The following ARHGAP29 variants were observed in gnomAD, a reference collection of about 807,000 sequenced individuals.
ARHGAP29 encodes the protein rho GTPase-activating protein 29.
ARHGAP29 carries 43 observed loss-of-function variants against 122.6 expected under a neutral mutation model. The ratio of observed to expected loss-of-function variants is 0.35; its 90% CI spans 0.27 to 0.45. The LOEUF (loss-of-function observed/expected upper bound fraction) is 0.45, where lower values mean the gene tolerates loss of function less well. ARHGAP29 is among the 20% of genes least tolerant of loss of function. The pLI, the probability that ARHGAP29 is intolerant of heterozygous loss-of-function variation, is 1.00. For synonymous variants in ARHGAP29, 506 were observed against 497.1 expected (o/e 1.02, Z -0.24); for missense variants, 1,303 against 1,477.2 (o/e 0.88, Z 1.93).
intron 1 of ARHGAP29, among the ~76,000 whole-genome samples, chr1:94,233,123 A>AT (rs549501067): frequency 2.3e-4 from 35 of 149,098 alleles, no homozygotes; most frequent in South Asian, 6.4e-4. Context: ...TAAAAAAAAA[A>AT]TTTTTTTTTT....
At chr1:94,257,820 T>C (rs564472816) in intron 1 of ARHGAP29, among the ~76,000 whole-genome samples, 9 of 152,322 alleles carry the variant, frequency 5.9e-5, no homozygotes, top group African/African-American at 1.9e-4. Flanking sequence ...TAATAGGCAC[T>C]GGATGATGAC....
the ARHGAP29 span, among the ~76,000 whole-genome samples, chr1:94,293,120 T>G: frequency 6.6e-6 from 1 of 152,216 alleles, no homozygotes; most frequent in Non-Finnish European, 1.5e-5. Context: ...CTCCGCCCAG[T>G]TTGAGCTTCC....
At chr1:94,256,049 T>C (rs1654332808) in intron 1 of ARHGAP29, among the ~76,000 whole-genome samples, 1 of 152,192 alleles carries the variant, frequency 6.6e-6, no homozygotes, top group African/African-American at 2.4e-5. Context: ...TGAATTATTG[T>C]TATCATCCTT....
intron 6 of ARHGAP29, 134 bp from the exon 7 acceptor site, chr1:94,205,332 C>A: frequency 2.8e-6 from 2 of 705,352 alleles, no homozygotes; most frequent in Admixed American, 3.8e-5. Flanking sequence ...GACAAATTTA[C>A]AATTAAAAGG....
chr1:94,309,968 GAATA>G, the ARHGAP29 span, among the ~76,000 whole-genome samples: 1 of 152,068 alleles, frequency 6.6e-6, no homozygotes, highest in Admixed American at 6.6e-5. Context: ...TGTGGTTGCT[GAATA>G]AATAAATATG....
chr1:94,182,879 TAA>T (rs1649567195), intron 19 of ARHGAP29, among the ~76,000 whole-genome samples: 1 of 151,924 alleles, frequency 6.6e-6, no homozygotes, highest in Non-Finnish European at 1.5e-5. Context: ...CATTTCCTCA[TAA>T]AAGAGGAGAA....
the ARHGAP29 span, among the ~76,000 whole-genome samples, chr1:94,312,597 A>G: frequency 6.6e-6 from 1 of 151,410 alleles, no homozygotes; most frequent in Non-Finnish European, 1.5e-5. Context: ...ACACCCAGCT[A>G]ATGTTTGTAT....
chr1:94,273,145 C>A (rs913292402), intron 1 of ARHGAP29, among the ~76,000 whole-genome samples: 1 of 152,124 alleles, frequency 6.6e-6, no homozygotes, highest in Non-Finnish European at 1.5e-5. Flanking sequence ...TTGCCTACTG[C>A]GTCAATTCCT....
chr1:94,303,784 C>T, the ARHGAP29 span, among the ~76,000 whole-genome samples: 9 of 152,148 alleles, frequency 5.9e-5, no homozygotes, highest in African/African-American at 1.7e-4. Flanking sequence ...TCCAAGCCCA[C>T]CCAGCTAGAA....
the ARHGAP29 span, among the ~76,000 whole-genome samples, chr1:94,309,732 G>T: frequency 1.3e-5 from 2 of 152,204 alleles, no homozygotes; most frequent in Admixed American, 6.5e-5. Context: ...TAGAAATAAA[G>T]AGCCTGTCTT....
chr1:94,262,108 A>G lies in ARHGAP29; in HGVS notation c.-33+12904T>C, dbSNP rs189458192. On this transcript the variant is annotated intron_variant and NMD_transcript_variant, in intron 1 of 25. Coordinates refer to the ARHGAP29 transcript ENST00000552844. The stretch of plus-strand genomic sequence containing the variant: ...CTGAGAAAAAAGGCCACACACCTAC[A>G]ACCATCTGATCTTTGACAAAGCAAG... Among the ~76,000 whole-genome samples the G allele has an allele frequency of 3.0e-3, 464 of 152,286 alleles. 1 individual carries two copies. The highest frequency in any genetic ancestry group is 4.9e-3 in the Non-Finnish European group (333 of 68,028).
At position 94,171,447 on chromosome 1, in the gene ARHGAP29, G is replaced by A. The variant is rs1250727192; in HGVS notation, c.*2422C>T. Among the ~76,000 whole-genome samples the A allele has an allele frequency of 6.6e-6, 1 of 152,106 alleles. No individual in the cohort carries two copies. Among genetic ancestry groups the A allele is most frequent in the African/African-American group, 2.4e-5 (1 of 41,422 alleles). ...CAATACGCATCATCTTGGACAATAC[G>A]CCTCCCACAAGGCTTCCTGGTGTTC... is the stretch of plus-strand genomic sequence containing the variant. On this transcript the variant is annotated 3_prime_UTR_variant, in exon 23 of 23. Transcript: ENST00000260526.
intron 1 of ARHGAP29, among the ~76,000 whole-genome samples, chr1:94,257,518 G>A (rs992547338): frequency 1.3e-5 from 2 of 152,098 alleles, no homozygotes; most frequent in Non-Finnish European, 2.9e-5. Context: ...GACCAGCCTG[G>A]GCAACACAGG....
In ARHGAP29 at chr1:94,184,982, G is replaced by A. The variant is rs764090841; in HGVS notation, c.1999C>T (p.His667Tyr). The A allele has an allele frequency of 2.5e-6, 4 of 1,613,238 alleles. No homozygotes were observed. The highest frequency in any genetic ancestry group is 2.7e-5 in the African/African-American group (2 of 74,862). ...CGHQKLPGKI[H>Y]LFGAEFTQVA... ...TGTGTGAATTCTGCTCCAAATAAGT[G>A]TATTTTTCCTGGAAGTTTCTGATGA... Residue 667 changes from histidine (H) to tyrosine (Y), a missense_variant, in exon 18 of 23, where the codon CAC becomes TAC. Around this residue, in one of 3 missense-constraint regions of ARHGAP29, gnomAD observed 91 missense variants for 177.8 expected, o/e 0.51. Coordinates refer to ENST00000260526, the MANE Select transcript of ARHGAP29 (RefSeq NM_004815.4).
At chr1:94,210,410 G>A (rs1651511642) in intron 3 of ARHGAP29, among the ~76,000 whole-genome samples, 1 of 152,198 alleles carries the variant, frequency 6.6e-6, no homozygotes, top group African/African-American at 2.4e-5. Context: ...TTTGTTGCAA[G>A]CTCTCTCATG....
upstream of ARHGAP29, among the ~76,000 whole-genome samples, chr1:94,238,294 C>A (rs1008987150): frequency 1.3e-5 from 2 of 151,882 alleles, no homozygotes; most frequent in African/African-American, 4.8e-5. Flanking sequence ...TTCCCGACCT[C>A]CCGACCTCAG....
intron 12 of ARHGAP29, among the ~76,000 whole-genome samples, chr1:94,197,875 A>C (rs1650570877): frequency 6.6e-6 from 1 of 152,346 alleles, no homozygotes; most frequent in South Asian, 2.1e-4. Context: ...AAGAACCTAC[A>C]GCTATCACCA....
At position 94,189,030 on chromosome 1, in the gene ARHGAP29, A is replaced by T. The variant is rs944519618; in HGVS notation, c.1577-89T>A. ...CATTCTATCAAGTGAGACAATTCAA[A>T]TTTCTTTAACAATAACCAGTTATCA... is the stretch of plus-strand genomic sequence containing the variant. On this transcript the variant is annotated intron_variant, in intron 14 of 22. Transcript: ENST00000260526. 1.3e-5 allele frequency: 18 copies of T among 1,420,764 alleles called. No individual in the cohort carries two copies. The African/African-American group carries it at 2.6e-4, about 20-fold the overall frequency. 88.0% of individuals were successfully genotyped at this position (1,420,764 alleles called of 1,614,324 possible). A position where few individuals can be genotyped will look rare whatever the true frequency, so the allele number is the denominator to read the frequency against.
chr1:94,298,848 A>T, the ARHGAP29 span, among the ~76,000 whole-genome samples: 4 of 152,224 alleles, frequency 2.6e-5, no homozygotes, highest in Non-Finnish European at 4.4e-5. Flanking sequence ...AAAACTTAGA[A>T]AGTAATAATA....
Sources: allele counts gnomAD v4.1 joint callset (sites outside exome capture counted in the v4.1 genomes callset), GRCh38; gene constraint gnomAD v4.1.1; regional missense constraint gnomAD v4.1.1; transcripts MANE v1.5; gene names NCBI Gene and HGNC (gene_info 2026-07-23, HGNC 2026-07-21).